HPSE2: variants seen among roughly 807,000 people sequenced by gnomAD.
The protein encoded by HPSE2 is heparanase 2 (inactive).
Under a neutral mutation model 60.5 loss-of-function variants are expected in HPSE2, and 38 were observed. The ratio of observed to expected loss-of-function variants is 0.63; its 90% confidence interval spans 0.48 to 0.82. The LOEUF (loss-of-function observed/expected upper bound fraction) is 0.82. HPSE2 is among the 40% of genes least tolerant of loss of function. The probability of loss-of-function intolerance (pLI) is 0.00; values close to 1 mark genes in which losing one functional copy is unlikely to be tolerated. For synonymous variants in HPSE2, 295 were observed against 293.2 expected (o/e 1.01, Z -0.06); for missense variants, 713 against 740.4 (o/e 0.96, Z 0.43).
chr10:98,647,637 C>A (rs1946808828), intron 6 of HPSE2, among the ~76,000 whole-genome samples: 1 of 152,212 alleles, frequency 6.6e-6, no homozygotes, highest in Non-Finnish European at 1.5e-5. Flanking sequence ...GAAGCAAACA[C>A]TGGAGAAAGG....
At chr10:98,606,285 T>C (rs1945583865) in intron 9 of HPSE2, among the ~76,000 whole-genome samples, 1 of 152,302 alleles carries the variant, frequency 6.6e-6, no homozygotes, top group East Asian at 1.9e-4. Flanking sequence ...AATAAAAAGG[T>C]AGTTAATTTA....
chr10:99,091,752 C>A (rs1004456069), intron 3 of HPSE2, among the ~76,000 whole-genome samples: 1 of 152,128 alleles, frequency 6.6e-6, no homozygotes, highest in Non-Finnish European at 1.5e-5. Flanking sequence ...ATTACTATGT[C>A]CCCTATTTCA....
chr10:98,987,859 C>T (rs1956408386), intron 3 of HPSE2, among the ~76,000 whole-genome samples: 1 of 151,850 alleles, frequency 6.6e-6, no homozygotes, highest in East Asian at 1.9e-4. Context: ...AACAGACAAA[C>T]AGAGAGCCAA....
At chr10:99,124,302 C>T (rs183979712) in intron 3 of HPSE2, among the ~76,000 whole-genome samples, 6 of 152,278 alleles carry the variant, frequency 3.9e-5, no homozygotes, top group Admixed American at 1.3e-4. Context: ...GAAAAAGGAC[C>T]GTAAGTTCTC....
At chr10:98,600,758 AT>A (rs57736119) in intron 9 of HPSE2, among the ~76,000 whole-genome samples, 61,510 of 147,082 alleles carry the variant, frequency 0.42, 15,490 homozygotes, top group Admixed American at 0.53. Context: ...CACAAAAAAA[AT>A]ATACACACAT....
Position 99,079,567 on chromosome 10 carries a change from C to T in HPSE2, c.610+64671G>A, listed in dbSNP as rs2862510. The stretch of plus-strand genomic sequence containing the variant: ...AGCTGGGATTGGGGGTTATGGTAAA[C>T]GCCAGCCTAAACCACCACGTCTGAT... On this transcript the variant is annotated intron_variant, in intron 3 of 11. Transcript: ENST00000370552. Among the ~76,000 whole-genome samples, 10 of 151,848 alleles carry T rather than the reference C, an allele frequency of 6.6e-5. No homozygotes were observed. The East Asian group carries it at 1.9e-3, about 30-fold the overall frequency.
chr10:98,892,470 C>G (rs1449202402), intron 3 of HPSE2, among the ~76,000 whole-genome samples: 1 of 152,138 alleles, frequency 6.6e-6, no homozygotes, highest in African/African-American at 2.4e-5. Context: ...TTATCATGTT[C>G]AAGACATGGG....
At chr10:98,612,840 T>C (rs1226798159) in intron 9 of HPSE2, among the ~76,000 whole-genome samples, 1 of 152,210 alleles carries the variant, frequency 6.6e-6, no homozygotes, top group Non-Finnish European at 1.5e-5. Flanking sequence ...CCAGTGGCTT[T>C]TCATACTATC....
intron 3 of HPSE2, among the ~76,000 whole-genome samples, chr10:99,000,890 T>C (rs545993875): frequency 6.6e-6 from 1 of 152,230 alleles, no homozygotes; most frequent in Admixed American, 6.5e-5. Flanking sequence ...AATTAAGCTA[T>C]ACCATGGGTC....
chr10:99,005,802 T>A (rs1305248921), intron 3 of HPSE2, among the ~76,000 whole-genome samples: 2 of 152,182 alleles, frequency 1.3e-5, no homozygotes, highest in South Asian at 4.1e-4. Flanking sequence ...CTGACTGGCT[T>A]TGTATGGGAG....
At chr10:98,874,725 C>T (rs1477362301) in intron 3 of HPSE2, among the ~76,000 whole-genome samples, 1 of 152,036 alleles carries the variant, frequency 6.6e-6, no homozygotes, top group Non-Finnish European at 1.5e-5. Context: ...TTTGCCCATT[C>T]AGTGTGATAC....
chr10:99,308,740 C>T, the HPSE2 span, among the ~76,000 whole-genome samples: 133,585 of 152,158 alleles, frequency 0.88, 58,868 homozygotes, highest in African/African-American at 0.94. Context: ...TTACAAAATA[C>T]AGTAATTCTT....
intron 3 of HPSE2, among the ~76,000 whole-genome samples, chr10:98,989,444 A>T (rs1178203898): frequency 2.0e-5 from 3 of 150,574 alleles, no homozygotes; most frequent in Non-Finnish European, 2.9e-5. Context: ...GGAATTGAAC[A>T]ATGAGAACAC....
At chr10:99,309,709 A>G in the HPSE2 span, among the ~76,000 whole-genome samples, 1 of 152,190 alleles carries the variant, frequency 6.6e-6, no homozygotes, top group Non-Finnish European at 1.5e-5. Context: ...AGCCTAAAAT[A>G]TCTATTATAT....
At chr10:98,674,681 G>A (rs891459954) in intron 6 of HPSE2, among the ~76,000 whole-genome samples, 1 of 152,208 alleles carries the variant, frequency 6.6e-6, no homozygotes, top group Non-Finnish European at 1.5e-5. Flanking sequence ...TTGGGAGGCT[G>A]AGGTGGGCAG....
the HPSE2 span, among the ~76,000 whole-genome samples, chr10:99,282,970 G>T: frequency 1.3e-5 from 2 of 152,070 alleles, no homozygotes; most frequent in Non-Finnish European, 2.9e-5. Flanking sequence ...AGATCACGAG[G>T]TCAGGAGATC....
intron 3 of HPSE2, among the ~76,000 whole-genome samples, chr10:98,753,538 A>G (rs1256924685): frequency 6.6e-6 from 1 of 152,242 alleles, no homozygotes; most frequent in Non-Finnish European, 1.5e-5. Context: ...AAAATGTGGT[A>G]TATCAATACA....
chr10:98,470,978 A>G (rs1307244693), intron 11 of HPSE2, among the ~76,000 whole-genome samples: 5 of 152,234 alleles, frequency 3.3e-5, no homozygotes, highest in Admixed American at 2.0e-4. Flanking sequence ...TGTAAAACAT[A>G]AAAGCATTTC....
intron 3 of HPSE2, among the ~76,000 whole-genome samples, chr10:98,904,500 T>C (rs1427857505): frequency 6.6e-6 from 1 of 152,192 alleles, no homozygotes; most frequent in East Asian, 1.9e-4. Flanking sequence ...AAATTTTCTT[T>C]TAAAAAGGTG....
Sources: gnomAD v4.1 joint callset for allele counts (sites outside exome capture counted in the v4.1 genomes callset) on GRCh38, gnomAD v4.1.1 for gene constraint, MANE v1.5 for transcripts, NCBI Gene and HGNC (gene_info 2026-07-23, HGNC 2026-07-21) for gene names.